Variants in GNAO1 observed in about 807,000 individuals in gnomAD.
GNAO1 encodes the protein G protein subunit alpha o1, also known as guanine nucleotide-binding protein G(o) subunit alpha.
For synonymous variants in GNAO1, 164 were observed against 180.7 expected, an observed-to-expected ratio of 0.91 and a Z score of 0.74; for missense variants, 166 against 478.7, an observed-to-expected ratio of 0.35 and a Z score of 6.10.
At chr16:56,193,689 C>A (rs1225152538) in intron 2 of GNAO1, 4 of 209,068 alleles carry the variant, frequency 1.9e-5, no homozygotes. Context: ...CCTATCCACT[C>A]GGCAGTTCCT....
At chr16:56,309,121 G>A in intron 3 of GNAO1, among the ~76,000 whole-genome samples, 1 of 152,136 alleles carries the variant, frequency 6.6e-6, no homozygotes, top group Non-Finnish European at 1.5e-5. Flanking sequence ...TCAAGCTCAA[G>A]TGCTCTCCTA....
At chr16:56,245,171 A>G (rs1376589929) in intron 2 of GNAO1, among the ~76,000 whole-genome samples, 5 of 152,110 alleles carry the variant, frequency 3.3e-5, no homozygotes, top group Non-Finnish European at 7.4e-5. Context: ...TGCTTCATCT[A>G]CCCTTGTTGT....
chr16:56,241,220 G>A (rs1340648730), intron 2 of GNAO1, among the ~76,000 whole-genome samples: 1 of 152,242 alleles, frequency 6.6e-6, no homozygotes, highest in Non-Finnish European at 1.5e-5. Context: ...AGTGATGCTG[G>A]GAGCCTGTGT....
At chr16:56,207,731 A>T (rs2036343908) in intron 2 of GNAO1, among the ~76,000 whole-genome samples, 1 of 152,228 alleles carries the variant, frequency 6.6e-6, no homozygotes, top group South Asian at 2.1e-4. Flanking sequence ...CAGAATGGTG[A>T]GGGAGCACCT....
chr16:56,235,481 T>C (rs1450114589), intron 2 of GNAO1: 4 of 451,740 alleles, frequency 8.9e-6, no homozygotes, highest in African/African-American at 8.0e-5. Flanking sequence ...CCATTTCCCT[T>C]TGGCTCCTGG....
At chr16:56,212,742 G>A (rs2036401603) in intron 2 of GNAO1, among the ~76,000 whole-genome samples, 1 of 152,214 alleles carries the variant, frequency 6.6e-6, no homozygotes, top group South Asian at 2.1e-4. Context: ...TGACAAGGTC[G>A]CTGTTGTGCT....
intron 6 of GNAO1, chr16:56,347,899 C>A: frequency 1.1e-6 from 1 of 947,328 alleles, no homozygotes; most frequent in Non-Finnish European, 1.3e-6. Flanking sequence ...CATCCCCTGG[C>A]TCTGCCCGCC....
intron 2 of GNAO1, among the ~76,000 whole-genome samples, chr16:56,240,447 A>G (rs187137073): frequency 7.5e-4 from 114 of 152,244 alleles, no homozygotes; most frequent in African/African-American, 2.6e-3. Context: ...GCAGTTTTCA[A>G]CCACTTTCCT....
chr16:56,350,262 G>A (rs2037908477), intron 6 of GNAO1, among the ~76,000 whole-genome samples: 1 of 152,178 alleles, frequency 6.6e-6, no homozygotes, highest in Non-Finnish European at 1.5e-5. Flanking sequence ...TTATTTCAGA[G>A]GTAGAGTTTA....
At chr16:56,202,639 C>T (rs2036291048) in intron 2 of GNAO1, among the ~76,000 whole-genome samples, 1 of 152,104 alleles carries the variant, frequency 6.6e-6, no homozygotes, top group Non-Finnish European at 1.5e-5. Flanking sequence ...GACAGGAGGA[C>T]AGTAAGGATG....
At chr16:56,219,502 A>G (rs1221659168) in intron 2 of GNAO1, among the ~76,000 whole-genome samples, 3 of 152,224 alleles carry the variant, frequency 2.0e-5, no homozygotes, top group Non-Finnish European at 2.9e-5. Context: ...TATGTCCTCC[A>G]GAAAAACCAG....
At chr16:56,207,744 C>T (rs2036344075) in intron 2 of GNAO1, among the ~76,000 whole-genome samples, 1 of 152,198 alleles carries the variant, frequency 6.6e-6, no homozygotes, top group African/African-American at 2.4e-5. Context: ...GAGCACCTAC[C>T]TCGGTGTGGG....
At chr16:56,232,955 C>T (rs1438919473) in intron 2 of GNAO1, among the ~76,000 whole-genome samples, 68 of 152,184 alleles carry the variant, frequency 4.5e-4, no homozygotes, top group Non-Finnish European at 2.9e-5. Flanking sequence ...ATGCCCCTTA[C>T]TCAAATGGCT....
chr16:56,259,672 GC>G (rs2036885283), intron 2 of GNAO1, among the ~76,000 whole-genome samples: 2 of 152,246 alleles, frequency 1.3e-5, no homozygotes, highest in Admixed American at 6.5e-5. Flanking sequence ...AGCAGACAGT[GC>G]TGGGAGTGGT....
At chr16:56,332,333 C>T (rs1043828612) in intron 4 of GNAO1, among the ~76,000 whole-genome samples, 4 of 152,202 alleles carry the variant, frequency 2.6e-5, no homozygotes, top group African/African-American at 4.8e-5. Flanking sequence ...TGCTTCCTGC[C>T]GCCATGCCTG....
intron 2 of GNAO1, among the ~76,000 whole-genome samples, chr16:56,225,226 A>C (rs2036523863): frequency 1.3e-5 from 2 of 152,250 alleles, no homozygotes; most frequent in African/African-American, 4.8e-5. Context: ...AGGATTGAGC[A>C]AAATCTGGAT....
In GNAO1 at chr16:56,354,867, C is replaced by T; in HGVS notation, c.879C>T (p.Gly293=). 1.2e-6 allele frequency: 2 copies of T among 1,606,922 alleles called. 1 individual carries two copies. The highest frequency in any genetic ancestry group is 2.2e-5 in the South Asian group (2 of 90,868). ...PLTICFPEYT[G]PNTYEDAAAY... is the part of the protein sequence containing the mutation. ...CCGTTCTTCTGTGTCTTGTTACAGG[C>T]CCCAATACCTATGAAGACGCAGCCG... The change falls in exon 8 of 9, where the codon GGC becomes GGT. Residue 293 remains glycine (G), a splice_region_variant and synonymous_variant. Transcript: ENST00000262493. The surrounding 1 kb of genome is among the most constrained non-coding windows in gnomAD (Gnocchi z 4.3).
chr16:56,320,617 G>T (rs1474190806), intron 3 of GNAO1, among the ~76,000 whole-genome samples: 1 of 152,248 alleles, frequency 6.6e-6, no homozygotes, highest in African/African-American at 2.4e-5. Flanking sequence ...TCCTCGAAGG[G>T]TGTGGGGTGG....
intron 2 of GNAO1, among the ~76,000 whole-genome samples, chr16:56,248,358 G>A (rs1351075562): frequency 6.6e-6 from 1 of 152,106 alleles, no homozygotes; most frequent in Non-Finnish European, 1.5e-5. Flanking sequence ...AATCTAACAG[G>A]CAAACTTTGT....
Sources: allele counts gnomAD v4.1 joint callset (sites outside exome capture counted in the v4.1 genomes callset), GRCh38; gene constraint gnomAD v4.1.1; non-coding constraint Gnocchi (gnomAD v3.1); transcripts MANE v1.5; gene names NCBI Gene and HGNC (gene_info 2026-07-23, HGNC 2026-07-21).